SPMIP7: variants seen among roughly 807,000 people sequenced by gnomAD.
SPMIP7 encodes sperm microtubule inner protein 7.
At chr7:50,131,828 AACACATGGCATG>A in the SPMIP7 span, among the ~76,000 whole-genome samples, 1 of 152,122 alleles carries the variant, frequency 6.6e-6, no homozygotes, top group South Asian at 2.1e-4. Context: ...TGAATGCCAA[AACACATGGCATG>A]ACACAGAGAA....
the SPMIP7 span, among the ~76,000 whole-genome samples, chr7:50,123,865 C>T: frequency 6.6e-6 from 1 of 151,938 alleles, no homozygotes. Flanking sequence ...TAAAATGTTA[C>T]ACTTAATCCA....
chr7:50,102,559 G>T, the SPMIP7 span, among the ~76,000 whole-genome samples: 3 of 152,024 alleles, frequency 2.0e-5, no homozygotes, highest in Non-Finnish European at 4.4e-5. Flanking sequence ...ACTGAGGTCC[G>T]CTGACACTCT....
At chr7:50,153,026 C>G in the SPMIP7 span, among the ~76,000 whole-genome samples, 2 of 152,122 alleles carry the variant, frequency 1.3e-5, no homozygotes, top group African/African-American at 2.4e-5. Context: ...GGGCCAGGCA[C>G]TGTTCAAGAC....
the SPMIP7 span, among the ~76,000 whole-genome samples, chr7:50,122,210 AGAGATGAAAGCATGTG>A: frequency 1.3e-5 from 2 of 152,300 alleles, no homozygotes; most frequent in East Asian, 3.9e-4. Context: ...CTGTAGAGTA[AGAGATGAAAGCATGTG>A]ATAAACTAAT....
the SPMIP7 span, among the ~76,000 whole-genome samples, chr7:50,146,148 T>C: frequency 6.6e-6 from 1 of 152,184 alleles, no homozygotes; most frequent in African/African-American, 2.4e-5. Context: ...CTTCTGCCTT[T>C]TCAGACTACT....
At chr7:50,158,568 G>T in the SPMIP7 span, among the ~76,000 whole-genome samples, 1 of 151,120 alleles carries the variant, frequency 6.6e-6, no homozygotes. Flanking sequence ...TGAGGCCCGG[G>T]TTCCCCCTAT....
chr7:50,150,127 T>C, the SPMIP7 span, among the ~76,000 whole-genome samples: 1 of 152,174 alleles, frequency 6.6e-6, no homozygotes, highest in African/African-American at 2.4e-5. Context: ...ACTCCTAAGA[T>C]AAGTGGTTCC....
chr7:50,154,371 C>G, the SPMIP7 span, among the ~76,000 whole-genome samples: 257 of 152,278 alleles, frequency 1.7e-3, 3 homozygotes, highest in African/African-American at 5.9e-3. Flanking sequence ...ACTTAGCATC[C>G]TTTGACCTAC....
chr7:50,098,031 C>T, the SPMIP7 span, among the ~76,000 whole-genome samples: 2 of 152,228 alleles, frequency 1.3e-5, no homozygotes, highest in African/African-American at 4.8e-5. Context: ...CTTTGTACAT[C>T]CTGGAAACAA....
the SPMIP7 span, among the ~76,000 whole-genome samples, chr7:50,113,722 G>A: frequency 6.6e-6 from 1 of 151,924 alleles, no homozygotes; most frequent in African/African-American, 2.4e-5. Flanking sequence ...ATGCATTGGG[G>A]TCTCAGAATA....
chr7:50,126,565 CAA>C, the SPMIP7 span, among the ~76,000 whole-genome samples: 1 of 151,416 alleles, frequency 6.6e-6, no homozygotes, highest in Non-Finnish European at 1.5e-5. Context: ...CAAAATCAGA[CAA>C]AGATTTTACA....
the SPMIP7 span, among the ~76,000 whole-genome samples, chr7:50,112,348 C>G: frequency 2.6e-5 from 4 of 152,124 alleles, no homozygotes; most frequent in South Asian, 8.3e-4. Flanking sequence ...TGGACCTTGG[C>G]ATGGTCAGAA....
chr7:50,130,661 T>C, the SPMIP7 span, among the ~76,000 whole-genome samples: 1 of 151,798 alleles, frequency 6.6e-6, no homozygotes, highest in Non-Finnish European at 1.5e-5. Context: ...CAGGACAAGA[T>C]CAGGAGTCCC....
chr7:50,109,167 T>C, the SPMIP7 span, among the ~76,000 whole-genome samples: 1 of 152,142 alleles, frequency 6.6e-6, no homozygotes, highest in Non-Finnish European at 1.5e-5. Flanking sequence ...GGCCTACTTG[T>C]TTACAAAGAA....
chr7:50,136,096 A>T, the SPMIP7 span: 1 of 1,548,106 alleles, frequency 6.5e-7, no homozygotes, highest in Non-Finnish European at 8.7e-7. Context: ...GATTATTTTT[A>T]GATGGTTGGT....
At chr7:50,137,642 G>A in the SPMIP7 span, among the ~76,000 whole-genome samples, 9 of 152,004 alleles carry the variant, frequency 5.9e-5, no homozygotes, top group East Asian at 1.5e-3. Flanking sequence ...AAGTGCTTGG[G>A]CTCCCATTAC....
At chr7:50,110,357 G>C in the SPMIP7 span, among the ~76,000 whole-genome samples, 1 of 149,632 alleles carries the variant, frequency 6.7e-6, no homozygotes, top group African/African-American at 2.4e-5. Flanking sequence ...AGCAATGATA[G>C]ATTACAACAG....
At chr7:50,151,393 T>C in the SPMIP7 span, 1 of 1,333,204 alleles carries the variant, frequency 7.5e-7, no homozygotes, top group Non-Finnish European at 1.0e-6. Flanking sequence ...CCATGACAAT[T>C]TCACAAATCA....
the SPMIP7 span, among the ~76,000 whole-genome samples, chr7:50,156,779 G>A: frequency 4.2e-4 from 64 of 152,010 alleles, no homozygotes; most frequent in African/African-American, 1.4e-3. Flanking sequence ...CTTCTGCCCC[G>A]CAGTGCTGGC....
Sources: gnomAD v4.1 joint callset for allele counts (sites outside exome capture counted in the v4.1 genomes callset) on GRCh38, gnomAD v4.1.1 for gene constraint, MANE v1.5 for transcripts, NCBI Gene and HGNC (gene_info 2026-07-23, HGNC 2026-07-21) for gene names.